Variants in GALNT1 observed in about 807,000 individuals in gnomAD.
The protein encoded by GALNT1 is polypeptide N-acetylgalactosaminyltransferase 1, also known as GalNAc transferase 1.
A neutral mutation model predicts 65.7 loss-of-function variants in GALNT1; 17 were observed. That is an observed-to-expected ratio of 0.26 (90% CI 0.18 to 0.39). The LOEUF (loss-of-function observed/expected upper bound fraction) is 0.39. GALNT1 is among the 10% of genes least tolerant of loss of function. The pLI, the probability that GALNT1 is intolerant of heterozygous loss-of-function variation, is 1.00. For synonymous variants in GALNT1, 210 were observed against 219.7 expected, an observed-to-expected ratio of 0.96 and a Z score of 0.39; for missense variants, 460 against 672.8, an observed-to-expected ratio of 0.68 and a Z score of 3.50.
rs560936693 is a variant in GALNT1 at position 35,606,745 on chromosome 18, G to A, written c.-104+24883G>A. The stretch of plus-strand genomic sequence containing the variant: ...GGATTTTGATTTCAGTTGTGACATG[G>A]GTAAAATGCCAGGTCAGACTCTTGG... On this transcript the variant is annotated intron_variant, in intron 1 of 11. Transcript: ENST00000269195. 5.9e-5 allele frequency among the ~76,000 whole-genome samples: 9 copies of A among 151,740 alleles called. No homozygotes were observed. The South Asian group carries it at 1.9e-3, about 32-fold the overall frequency.
intron 1 of GALNT1, among the ~76,000 whole-genome samples, chr18:35,606,584 C>T (rs1392582456): frequency 6.6e-6 from 1 of 152,190 alleles, no homozygotes; most frequent in East Asian, 1.9e-4. Flanking sequence ...CAAATTCTTT[C>T]TGGGAGGTAC....
chr18:35,602,432 T>C (rs1041741252), intron 1 of GALNT1, among the ~76,000 whole-genome samples: 1 of 152,184 alleles, frequency 6.6e-6, no homozygotes, highest in Admixed American at 6.5e-5. Context: ...TTTTCTGTTA[T>C]TTATTTGAAT....
intron 1 of GALNT1, among the ~76,000 whole-genome samples, chr18:35,633,120 G>A (rs893590287): frequency 3.9e-5 from 6 of 152,162 alleles, no homozygotes; most frequent in Non-Finnish European, 8.8e-5. Context: ...TTCAACCATT[G>A]TGGAAGACAG....
chr18:35,686,747 T>C (rs2047873442), intron 5 of GALNT1, among the ~76,000 whole-genome samples: 2 of 152,028 alleles, frequency 1.3e-5, no homozygotes, highest in Non-Finnish European at 2.9e-5. Flanking sequence ...AAAAAAAAAT[T>C]TTTTTAATTA....
intron 1 of GALNT1, among the ~76,000 whole-genome samples, chr18:35,649,387 G>A (rs2047280563): frequency 6.6e-6 from 1 of 152,006 alleles, no homozygotes; most frequent in Admixed American, 6.6e-5. Flanking sequence ...CTATTTTATT[G>A]GATTGTTTGT....
chr18:35,664,005 T>C (rs1568027164), intron 3 of GALNT1: 3 of 505,614 alleles, frequency 5.9e-6, no homozygotes, highest in Admixed American at 7.9e-5. Context: ...ATTTCAGGCA[T>C]TGGAAGATAA....
intron 2 of GALNT1, 107 bp from the exon 3 acceptor site, chr18:35,663,521 G>T: frequency 8.5e-7 from 1 of 1,174,278 alleles, no homozygotes; most frequent in Non-Finnish European, 1.2e-6. Context: ...CTCAGAAAGG[G>T]TTCTGGTTGT....
At chr18:35,635,393 A>G (rs978977555) in intron 1 of GALNT1, among the ~76,000 whole-genome samples, 1 of 152,216 alleles carries the variant, frequency 6.6e-6, no homozygotes, top group African/African-American at 2.4e-5. Flanking sequence ...AATCTTAATG[A>G]TTACTTTAAA....
Position 35,689,282 on chromosome 18 carries a change from T to C in GALNT1, c.970T>C (p.Ser324Pro). ...TTGGGGAGGAGAAAACCTAGAAATT[T>C]CCTTTAGGGTAAGTTCCCTTAAAAA... ...DIWGGENLEI[S>P]FRIWQCGGTL... The change falls in exon 7 of 12, where the codon TCC becomes CCC. Residue 324 changes from serine to proline, a missense_variant. Coordinates refer to ENST00000269195, the MANE Select transcript of GALNT1 (RefSeq NM_020474.4). The C allele has an allele frequency of 1.3e-6, 2 of 1,588,356 alleles. No individual in the cohort carries two copies. The highest frequency in any genetic ancestry group is 1.7e-6 in the Non-Finnish European group (2 of 1,162,122).
intron 1 of GALNT1, among the ~76,000 whole-genome samples, chr18:35,619,932 A>G (rs1272614204): frequency 6.6e-6 from 1 of 152,222 alleles, no homozygotes; most frequent in Admixed American, 6.5e-5. Flanking sequence ...ATAAAGAACA[A>G]GCCATGAAAC....
At chr18:35,629,110 T>C (rs1396266849) in intron 1 of GALNT1, among the ~76,000 whole-genome samples, 2 of 152,122 alleles carry the variant, frequency 1.3e-5, no homozygotes, top group Admixed American at 6.6e-5. Flanking sequence ...CTGAAAGTGA[T>C]GGGGAGAATG....
At chr18:35,586,366 G>C (rs2046378115) in intron 1 of GALNT1, among the ~76,000 whole-genome samples, 1 of 152,060 alleles carries the variant, frequency 6.6e-6, no homozygotes, top group Admixed American at 6.6e-5. Flanking sequence ...TGGGTATGTT[G>C]TTTGTCTGTA....
intron 3 of GALNT1, among the ~76,000 whole-genome samples, chr18:35,673,131 G>T (rs2047659298): frequency 6.6e-6 from 1 of 152,156 alleles, no homozygotes; most frequent in African/African-American, 2.4e-5. Context: ...CTGGCAGGTA[G>T]CCAGACATCT....
intron 8 of GALNT1, 31 bp downstream of exon 8, chr18:35,691,223 G>T (rs1033729107): frequency 1.3e-6 from 2 of 1,554,908 alleles, no homozygotes; most frequent in Middle Eastern, 3.5e-4. Context: ...GAAATACAAG[G>T]CTGTACCTTT....
At position 35,612,011 on chromosome 18, in the gene GALNT1, A is replaced by G. The variant is rs2144046728; in HGVS notation, c.-104+30149A>G. 1.3e-5 allele frequency among the ~76,000 whole-genome samples: 2 copies of G among 152,270 alleles called. 1 individual carries two copies. The highest frequency in any genetic ancestry group is 4.1e-4 in the South Asian group (2 of 4,824). On this transcript the variant is annotated intron_variant, in intron 1 of 11. Coordinates refer to ENST00000269195, the MANE Select transcript of GALNT1 (RefSeq NM_020474.4). ...GTCCTCATTACCATCATTATTTATTACCTGTATCATTAAAAAAGACATCAT... is the reference window on the plus strand; with the variant it reads ...GTCCTCATTACCATCATTATTTATTGCCTGTATCATTAAAAAAGACATCAT...
At chr18:35,629,631 A>G (rs985557048) in intron 1 of GALNT1, among the ~76,000 whole-genome samples, 6 of 151,466 alleles carry the variant, frequency 4.0e-5, no homozygotes, top group South Asian at 4.1e-4. Context: ...TGTAAAGACC[A>G]TCAATGCCAG....
intron 1 of GALNT1, among the ~76,000 whole-genome samples, chr18:35,622,955 A>G (rs768190618): frequency 6.6e-5 from 10 of 152,084 alleles, no homozygotes; most frequent in Non-Finnish European, 1.5e-4. Context: ...ACTATTTTAT[A>G]TAATATATAA....
intron 1 of GALNT1, among the ~76,000 whole-genome samples, chr18:35,585,193 T>C (rs1182649259): frequency 1.3e-5 from 2 of 152,098 alleles, no homozygotes; most frequent in African/African-American, 2.4e-5. Flanking sequence ...CCCTCCACAT[T>C]TCTTATCCCA....
intron 1 of GALNT1, among the ~76,000 whole-genome samples, chr18:35,649,686 A>G (rs1462670560): frequency 1.3e-5 from 2 of 152,136 alleles, no homozygotes; most frequent in Non-Finnish European, 2.9e-5. Flanking sequence ...CAGGGTCTCA[A>G]AAGATTTTAT....
Sources: allele counts gnomAD v4.1 joint callset (sites outside exome capture counted in the v4.1 genomes callset), GRCh38; gene constraint gnomAD v4.1.1; transcripts MANE v1.5; gene names NCBI Gene and HGNC (gene_info 2026-07-23, HGNC 2026-07-21).